The following AFAP1L1 variants were observed in gnomAD, a reference collection of about 807,000 sequenced individuals.
AFAP1L1 encodes the protein actin filament-associated protein 1-like 1.
In AFAP1L1, 77 loss-of-function variants were observed where a neutral mutation model predicts 99.8. That is an observed-to-expected ratio of 0.77 (90% confidence interval 0.64 to 0.93). The LOEUF (loss-of-function observed/expected upper bound fraction) is 0.93, where lower values mean the gene tolerates loss of function less well. Among genes scored for constraint, AFAP1L1 ranks in the 40% least tolerant of loss-of-function variants. The pLI, the probability that AFAP1L1 is intolerant of heterozygous loss-of-function variation, is 0.00. For missense variants in AFAP1L1, 893 were observed against 996.8 expected (o/e 0.90, Z 1.40); for synonymous variants, 373 against 395.3 (o/e 0.94, Z 0.67).
chr5:149,290,881 AT>A (rs1410690136), intron 1 of AFAP1L1, among the ~76,000 whole-genome samples: 1 of 152,262 alleles, frequency 6.6e-6, no homozygotes, highest in Admixed American at 6.5e-5. Context: ...ATACTTAAAC[AT>A]TTGCCCTATG....
rs111738467 is a variant in AFAP1L1, at chr5:149,317,626, C to T, written c.1268-103C>T. On this transcript the variant is annotated intron_variant, in intron 11 of 18. Transcript: ENST00000296721. ...AGGTCACAGGGGAAAGAGAGCTGAC[C>T]AGGACCCCGAGGCCTTCTTTCCAGC... 79 of 1,220,138 alleles carry T rather than the reference C, an allele frequency of 6.5e-5. 2 individuals are homozygous for T. In the African/African-American group the frequency reaches 8.1e-4, roughly 13 times the overall value. 75.6% of individuals were successfully genotyped at this position (1,220,138 alleles called of 1,614,324 possible).
intron 1 of AFAP1L1, among the ~76,000 whole-genome samples, chr5:149,280,762 T>C (rs922652087): frequency 6.6e-6 from 1 of 152,198 alleles, no homozygotes; most frequent in Admixed American, 6.5e-5. Flanking sequence ...TCAAAATATC[T>C]TTGTACAAAA....
At chr5:149,288,148 G>A (rs1755741715) in intron 1 of AFAP1L1, among the ~76,000 whole-genome samples, 1 of 152,172 alleles carries the variant, frequency 6.6e-6, no homozygotes, top group Non-Finnish European at 1.5e-5. Context: ...CATCAGTTGG[G>A]GAATGGTCAG....
At chr5:149,281,801 A>G (rs770090583) in intron 1 of AFAP1L1, among the ~76,000 whole-genome samples, 7 of 152,154 alleles carry the variant, frequency 4.6e-5, no homozygotes, top group Non-Finnish European at 1.0e-4. Flanking sequence ...GCTAGTTAAG[A>G]TGGGCTGACT....
rs763332328 is a variant in AFAP1L1, at chr5:149,307,579, A to G, written c.713A>G (p.Lys238Arg). Residue 238 changes from lysine to arginine, a missense_variant, in exon 7 of 19, where the codon AAG (lysine) becomes AGG (arginine). Transcript: ENST00000296721. ...AAAAAGCGTTTCGGGCAGTGGGCCA[A>G]GCAGCTGACGGTCATCAGGGAGGAC... ...LRKKRFGQWA[K>R]QLTVIREDQL... 6.2e-7 allele frequency: 1 copy of G among 1,613,028 alleles called. No homozygotes were observed. Among genetic ancestry groups the G allele is most frequent in the Non-Finnish European group, 8.5e-7 (1 of 1,180,018 alleles).
At chr5:149,326,431 C>T (rs1347768879) in intron 15 of AFAP1L1, among the ~76,000 whole-genome samples, 1 of 151,290 alleles carries the variant, frequency 6.6e-6, no homozygotes, top group South Asian at 2.1e-4. Context: ...CCCAGCTACT[C>T]GGGAGGCTGA....
Position 149,343,595 on chromosome 5 carries a change from C to T in AFAP1L1, c.*3565C>T, listed in dbSNP as rs865859220. Among the ~76,000 whole-genome samples, 1 of 151,852 alleles carries T rather than the reference C, an allele frequency of 6.6e-6. No individual in the cohort carries two copies. The highest frequency in any genetic ancestry group is 3.4e-3 in the Middle Eastern group (1 of 294). ...TCACATTCTAGTTGGAGGAAAAAACCTTAACAAGGAAGCAAAAGAAATAAA... is the reference window on the plus strand; with the variant it reads ...TCACATTCTAGTTGGAGGAAAAAACTTTAACAAGGAAGCAAAAGAAATAAA... On this transcript the variant is annotated 3_prime_UTR_variant, in exon 19 of 19. Transcript: ENST00000296721.
At chr5:149,337,249 A>G (rs1369304652) in intron 18 of AFAP1L1, among the ~76,000 whole-genome samples, 1 of 152,208 alleles carries the variant, frequency 6.6e-6, no homozygotes. Flanking sequence ...GCTACAGTTA[A>G]CAATACCATA....
intron 13 of AFAP1L1, among the ~76,000 whole-genome samples, chr5:149,319,948 G>A (rs1263835281): frequency 6.6e-6 from 1 of 152,238 alleles, no homozygotes; most frequent in Non-Finnish European, 1.5e-5. Context: ...GATGGAAGGA[G>A]CAAAAGTAGA....
intron 1 of AFAP1L1, among the ~76,000 whole-genome samples, chr5:149,284,097 GAA>G (rs1755604812): frequency 6.6e-6 from 1 of 152,226 alleles, no homozygotes; most frequent in South Asian, 2.1e-4. Context: ...ATCGTGGAAA[GAA>G]GAGCCCAGAA....
Position 149,335,629 on chromosome 5 carries a change from G to A in AFAP1L1, c.2190G>A (p.Glu730=). Residue 730 remains glutamate (E), a synonymous_variant, in exon 18 of 19, where the codon GAG becomes GAA. Coordinates refer to ENST00000296721, the MANE Select transcript of AFAP1L1 (RefSeq NM_152406.4). ...TANKPQNSVP[E]QPLPVNCVSE... is the part of the protein sequence containing the mutation. ...ATAAACCCCAGAACAGCGTTCCAGA[G>A]CAACCTCTCCCTGTCAACTGTGTTT... 1.9e-6 allele frequency: 3 copies of A among 1,612,872 alleles called. No homozygotes were observed. The highest frequency in any genetic ancestry group is 2.5e-6 in the Non-Finnish European group (3 of 1,180,016).
chr5:149,304,371 C>A (rs1756328414), intron 5 of AFAP1L1: 1 of 152,204 alleles, frequency 6.6e-6, no homozygotes. Context: ...TGTGTTATCG[C>A]AAACAGCTGT....
In AFAP1L1 at chr5:149,335,643, T is replaced by A. The variant is rs200333882; in HGVS notation, c.2204T>A (p.Val735Asp). 3.7e-6 allele frequency: 6 copies of A among 1,613,314 alleles called. No homozygotes were observed. The highest frequency in any genetic ancestry group is 4.2e-6 in the Non-Finnish European group (5 of 1,180,014). The change falls in exon 18 of 19, where the codon GTC (valine) becomes GAC (aspartate). Residue 735 changes from valine to aspartate, a missense_variant. Transcript: ENST00000296721. ...AGCGTTCCAGAGCAACCTCTCCCTGTCAACTGTGTTTCTGAGCTGAGGAAG... is the reference window on the plus strand; with the variant it reads ...AGCGTTCCAGAGCAACCTCTCCCTGACAACTGTGTTTCTGAGCTGAGGAAG... ...QNSVPEQPLP[V>D]NCVSELRKRS...
intron 7 of AFAP1L1, among the ~76,000 whole-genome samples, chr5:149,307,858 T>TCTCTCTCTCTCTCTCTG: frequency 8.9e-5 from 1 of 11,198 alleles, no homozygotes; most frequent in Non-Finnish European, 2.4e-4. Flanking sequence ...CTCTCTCTCT[T>TCTCTCTCTCTCTCTCTG]AAATTTAAAG....
intron 17 of AFAP1L1, among the ~76,000 whole-genome samples, chr5:149,333,734 C>T (rs909750990): frequency 6.6e-6 from 1 of 152,226 alleles, no homozygotes; most frequent in Non-Finnish European, 1.5e-5. Flanking sequence ...TAAGCAGCAT[C>T]TCTAGCTTGT....
intron 15 of AFAP1L1, among the ~76,000 whole-genome samples, chr5:149,329,366 A>G (rs113012827): frequency 1.3e-5 from 2 of 152,170 alleles, no homozygotes; most frequent in African/African-American, 4.8e-5. Context: ...CACACAACCA[A>G]TGTCACACTA....
intron 16 of AFAP1L1, among the ~76,000 whole-genome samples, chr5:149,331,593 C>G (rs1273005889): frequency 6.6e-6 from 1 of 151,514 alleles, no homozygotes; most frequent in Non-Finnish European, 1.5e-5. Flanking sequence ...GCACTCCAGC[C>G]TGGGTGACAG....
chr5:149,304,285 G>A (rs560762889), intron 5 of AFAP1L1: 1 of 152,382 alleles, frequency 6.6e-6, no homozygotes, highest in South Asian at 2.1e-4. Context: ...TGGACCTTGG[G>A]CTGATTGCAC....
At position 149,332,745 on chromosome 5, in the gene AFAP1L1, T is replaced by C. The variant is rs1432323924; in HGVS notation, c.2026T>C (p.Cys676Arg). Residue 676 changes from cysteine to arginine, a missense_variant, in exon 17 of 19, where the codon TGT (cysteine) becomes CGT (arginine). Cys to Arg is a radical substitution (Grantham distance 180). Transcript: ENST00000296721. ...EEAVATLEAQCRAKEERRIDL... is the reference protein window; with the variant it reads ...EEAVATLEAQRRAKEERRIDL... The stretch of plus-strand genomic sequence containing the variant: ...AGCCGTGGCCACCCTGGAAGCTCAG[T>C]GTCGGGCAAAGGAGGAGCGCCGGAT... 1 of 1,613,920 alleles carries C rather than the reference T, an allele frequency of 6.2e-7. No homozygotes were observed. The highest frequency in any genetic ancestry group is 1.3e-5 in the African/African-American group (1 of 75,054).
Sources: allele counts gnomAD v4.1 joint callset (sites outside exome capture counted in the v4.1 genomes callset), GRCh38; gene constraint gnomAD v4.1.1; transcripts MANE v1.5; gene names NCBI Gene and HGNC (gene_info 2026-07-23, HGNC 2026-07-21).